Variants in SMYD3 observed in about 807,000 individuals in gnomAD.
The protein encoded by SMYD3 is SET and MYND domain containing 3.
A neutral mutation model predicts 57.7 loss-of-function variants in SMYD3; 36 were observed. The ratio of observed to expected loss-of-function variants is 0.62; its 90% confidence interval spans 0.48 to 0.82. The LOEUF (loss-of-function observed/expected upper bound fraction) is 0.82. Ranked by LOEUF, SMYD3 falls within the 40% of genes least tolerant of loss-of-function variation. The pLI, the probability that SMYD3 is intolerant of heterozygous loss-of-function variation, is 0.00. For missense variants in SMYD3, 515 were observed against 538.8 expected, an observed-to-expected ratio of 0.96 and a Z score of 0.44; for synonymous variants, 211 against 195.0, an observed-to-expected ratio of 1.08 and a Z score of -0.68.
intron 10 of SMYD3, among the ~76,000 whole-genome samples, chr1:245,764,745 C>T (rs944923495): frequency 6.6e-5 from 10 of 152,030 alleles, no homozygotes; most frequent in Non-Finnish European, 1.5e-5. Context: ...ACCCCATCTG[C>T]GTTCTCCATG....
intron 5 of SMYD3, among the ~76,000 whole-genome samples, chr1:246,174,922 T>A (rs112927048): frequency 6.6e-6 from 1 of 152,244 alleles, no homozygotes; most frequent in Non-Finnish European, 1.5e-5. Flanking sequence ...TTTAGAAATA[T>A]CTAAAATATT....
At position 246,335,402 on chromosome 1, in the gene SMYD3, A is replaced by T. The variant is rs545303768; in HGVS notation, c.301T>A (p.Ser101Thr). 3 of 1,614,098 alleles carry T rather than the reference A, an allele frequency of 1.9e-6. No homozygotes were observed. The highest frequency in any genetic ancestry group is 2.7e-5 in the African/African-American group (2 of 75,016). ...ACAACTCTGCCAAGAAGTCGAACGG[A>T]GTCTGGAGGATATCTGGGTTTGCAG... ...KSCKPRYPPD[S>T]VRLLGRVVFK... The change falls in exon 3 of 12, where the codon TCC becomes ACC. Residue 101 changes from serine (S) to threonine (T), a missense_variant. By Grantham distance (58) the Ser-to-Thr change is moderately conservative (BLOSUM62 1). Coordinates refer to ENST00000490107, the MANE Select transcript of SMYD3 (RefSeq NM_001167740.2).
chr1:245,806,066 AAT>A (rs1482462531), intron 10 of SMYD3, among the ~76,000 whole-genome samples: 2 of 152,154 alleles, frequency 1.3e-5, no homozygotes, highest in African/African-American at 4.8e-5. Flanking sequence ...TGTGTCAGAG[AAT>A]ATGTTAGCTG....
chr1:246,405,097 G>T (rs1327158036), intron 1 of SMYD3, among the ~76,000 whole-genome samples: 1 of 151,986 alleles, frequency 6.6e-6, no homozygotes, highest in Non-Finnish European at 1.5e-5. Context: ...GACTACAGGT[G>T]TGCACGACCA....
chr1:245,916,362 G>A (rs1004559191), intron 7 of SMYD3, among the ~76,000 whole-genome samples: 6 of 152,096 alleles, frequency 3.9e-5, no homozygotes, highest in Admixed American at 2.6e-4. Flanking sequence ...TTAAGTCACG[G>A]GTCTTTAGGC....
intron 1 of SMYD3, among the ~76,000 whole-genome samples, chr1:246,358,489 T>C (rs1205724083): frequency 2.0e-5 from 3 of 152,192 alleles, no homozygotes; most frequent in Non-Finnish European, 4.4e-5. Context: ...CAGAACATTC[T>C]ACTCAACAAC....
rs1404354913 is a variant in SMYD3, at chr1:245,981,070, T to G, written c.532-51133A>C. The stretch of plus-strand genomic sequence containing the variant: ...CCTAACTTGGAGTATCCCACTGTGA[T>G]TACACTTAAAATTAAGCTTGAAGAG... On this transcript the variant is annotated intron_variant, in intron 5 of 11. Transcript: ENST00000490107. 1.1e-4 allele frequency among the ~76,000 whole-genome samples: 16 copies of G among 152,210 alleles called. 1 individual carries two copies. Among genetic ancestry groups the G allele is most frequent in the Admixed American group, 1.0e-3 (16 of 15,282 alleles).
chr1:246,059,591 C>T lies in SMYD3; in HGVS notation c.532-129654G>A, dbSNP rs538905451. On this transcript the variant is annotated intron_variant, in intron 5 of 11. Transcript: ENST00000490107. ...TAAACTGAAAACAACATATCTCAGA[C>T]GTTATCTTAGACTTGAGGCTGAGGA... 3.9e-5 allele frequency among the ~76,000 whole-genome samples: 6 copies of T among 152,164 alleles called. No homozygotes were observed. The East Asian group carries it at 7.7e-4, about 20-fold the overall frequency.
chr1:245,816,898 C>A (rs2048843223), intron 10 of SMYD3, among the ~76,000 whole-genome samples: 1 of 151,342 alleles, frequency 6.6e-6, no homozygotes. Flanking sequence ...GAGGGTCCTA[C>A]CCGACGGAGT....
chr1:245,835,030 T>C (rs2050034853), intron 10 of SMYD3, among the ~76,000 whole-genome samples: 1 of 152,142 alleles, frequency 6.6e-6, no homozygotes, highest in Non-Finnish European at 1.5e-5. Context: ...ATTTGTCACC[T>C]TTTACCAAAA....
intron 5 of SMYD3, among the ~76,000 whole-genome samples, chr1:246,050,258 A>G (rs2060044942): frequency 6.6e-6 from 1 of 152,230 alleles, no homozygotes; most frequent in African/African-American, 2.4e-5. Context: ...CAGGTAGCCC[A>G]GTGCAACACA....
At chr1:246,107,560 G>A (rs1264026396) in intron 5 of SMYD3, among the ~76,000 whole-genome samples, 1 of 152,158 alleles carries the variant, frequency 6.6e-6, no homozygotes, top group Non-Finnish European at 1.5e-5. Flanking sequence ...AAATGCTCAG[G>A]TCTTCCCTTA....
At chr1:246,274,942 A>T (rs997553421) in intron 5 of SMYD3, among the ~76,000 whole-genome samples, 4 of 152,208 alleles carry the variant, frequency 2.6e-5, no homozygotes, top group Admixed American at 2.6e-4. Context: ...TATGCAAAAA[A>T]ACTCAATGAC....
chr1:246,126,872 A>G (rs771526804), intron 5 of SMYD3, among the ~76,000 whole-genome samples: 5 of 152,202 alleles, frequency 3.3e-5, no homozygotes, highest in Non-Finnish European at 5.9e-5. Context: ...TCTTTTCTTT[A>G]TATTAAAATT....
At chr1:246,224,517 A>G (rs2063300978) in intron 5 of SMYD3, among the ~76,000 whole-genome samples, 1 of 152,076 alleles carries the variant, frequency 6.6e-6, no homozygotes, top group Non-Finnish European at 1.5e-5. Flanking sequence ...ACTGTATTCT[A>G]GGTGTAATGG....
intron 5 of SMYD3, among the ~76,000 whole-genome samples, chr1:246,264,836 C>T (rs1470697002): frequency 6.6e-6 from 1 of 152,110 alleles, no homozygotes; most frequent in Non-Finnish European, 1.5e-5. Context: ...ACAATAATAA[C>T]CACTATTTAC....
intron 5 of SMYD3, among the ~76,000 whole-genome samples, chr1:246,210,834 G>A (rs536830858): frequency 3.3e-5 from 5 of 152,114 alleles, no homozygotes; most frequent in Non-Finnish European, 7.3e-5. Flanking sequence ...TAACTTCTCA[G>A]GTATTGATCA....
At chr1:246,131,169 C>T (rs1231454938) in intron 5 of SMYD3, among the ~76,000 whole-genome samples, 1 of 152,174 alleles carries the variant, frequency 6.6e-6, no homozygotes, top group Non-Finnish European at 1.5e-5. Flanking sequence ...TCTTCCTTTG[C>T]ATTCCCAACA....
chr1:246,361,120 C>A (rs904402465), intron 1 of SMYD3, among the ~76,000 whole-genome samples: 1 of 152,102 alleles, frequency 6.6e-6, no homozygotes, highest in Non-Finnish European at 1.5e-5. Context: ...ACAGTTCCAT[C>A]AAAAAGTGGG....
Sources: allele counts gnomAD v4.1 joint callset (sites outside exome capture counted in the v4.1 genomes callset), GRCh38; gene constraint gnomAD v4.1.1; transcripts MANE v1.5; gene names NCBI Gene and HGNC (gene_info 2026-07-23, HGNC 2026-07-21).